The following INPP4B variants were observed in gnomAD, a reference collection of about 807,000 sequenced individuals.
INPP4B encodes inositol polyphosphate 4-phosphatase type II.
INPP4B carries 55 observed loss-of-function variants against 122.5 expected under a neutral mutation model. The ratio of observed to expected loss-of-function variants is 0.45; its 90% CI spans 0.36 to 0.56. The LOEUF (loss-of-function observed/expected upper bound fraction) is 0.56. Among genes scored for constraint, INPP4B ranks in the 20% least tolerant of loss-of-function variants. The probability of loss-of-function intolerance (pLI) is 0.00; values close to 1 mark genes in which losing one functional copy is unlikely to be tolerated. For synonymous variants in INPP4B, 403 were observed against 388.7 expected, an observed-to-expected ratio of 1.04 and a Z score of -0.43; for missense variants, 1,000 against 1,097.7, an observed-to-expected ratio of 0.91 and a Z score of 1.26.
At chr4:142,457,803 C>G (rs1016783068) in intron 3 of INPP4B, among the ~76,000 whole-genome samples, 1 of 152,004 alleles carries the variant, frequency 6.6e-6, no homozygotes, top group Non-Finnish European at 1.5e-5. Flanking sequence ...ACTCTGTTGC[C>G]CAGGCTGGTC....
At chr4:142,756,613 A>T (rs922478130) in intron 1 of INPP4B, among the ~76,000 whole-genome samples, 14 of 151,814 alleles carry the variant, frequency 9.2e-5, no homozygotes, top group Admixed American at 2.0e-4. Context: ...AGGAAAGGTG[A>T]TTCAAAGTAT....
chr4:142,065,929 A>G (rs1441965756), intron 25 of INPP4B, among the ~76,000 whole-genome samples: 2 of 152,202 alleles, frequency 1.3e-5, no homozygotes, highest in African/African-American at 4.8e-5. Flanking sequence ...ACTGCCCTCC[A>G]GGAACCTTCA....
intron 25 of INPP4B, among the ~76,000 whole-genome samples, chr4:142,039,385 C>A (rs1028351776): frequency 6.6e-6 from 1 of 151,678 alleles, no homozygotes; most frequent in South Asian, 2.1e-4. Flanking sequence ...CTTTTTATAC[C>A]TTTTGTTCCA....
chr4:142,611,090 G>A (rs916151825), intron 2 of INPP4B, among the ~76,000 whole-genome samples: 17 of 152,200 alleles, frequency 1.1e-4, no homozygotes, highest in Non-Finnish European at 2.4e-4. Context: ...GAGGCCTCAG[G>A]AAACTTTCAA....
At chr4:142,802,683 C>T (rs1580951632) in intron 1 of INPP4B, among the ~76,000 whole-genome samples, 1 of 151,954 alleles carries the variant, frequency 6.6e-6, no homozygotes, top group Admixed American at 6.6e-5. Flanking sequence ...ACCTTGAAAG[C>T]ACAGGCTAAG....
intron 1 of INPP4B, among the ~76,000 whole-genome samples, chr4:142,785,857 C>T (rs1476385390): frequency 6.6e-6 from 1 of 152,006 alleles, no homozygotes; most frequent in Non-Finnish European, 1.5e-5. Context: ...CTAAAATCTA[C>T]ACCTAGCCAT....
chr4:142,452,186 G>A (rs1295893557), intron 3 of INPP4B, among the ~76,000 whole-genome samples: 2 of 152,152 alleles, frequency 1.3e-5, no homozygotes, highest in Non-Finnish European at 2.9e-5. Context: ...AGTTTGCTCA[G>A]AATGATGGTT....
At chr4:142,506,369 C>T (rs1242524830) in intron 2 of INPP4B, among the ~76,000 whole-genome samples, 1 of 151,896 alleles carries the variant, frequency 6.6e-6, no homozygotes, top group Admixed American at 6.6e-5. Context: ...CACCTATCAC[C>T]AACTATATAA....
intron 1 of INPP4B, among the ~76,000 whole-genome samples, chr4:142,796,985 A>T (rs1254881044): frequency 6.6e-6 from 1 of 151,790 alleles, no homozygotes; most frequent in Admixed American, 6.6e-5. Flanking sequence ...ATATTCTCAA[A>T]CATAAACAGA....
intron 7 of INPP4B, among the ~76,000 whole-genome samples, chr4:142,401,317 G>T (rs1801513713): frequency 6.6e-6 from 1 of 152,070 alleles, no homozygotes; most frequent in African/African-American, 2.4e-5. Context: ...ATTTATCAAA[G>T]CTGGTCTAAA....
chr4:142,669,317 C>T (rs968121702), intron 2 of INPP4B, among the ~76,000 whole-genome samples: 1 of 151,918 alleles, frequency 6.6e-6, no homozygotes, highest in Admixed American at 6.6e-5. Context: ...AACATAATCC[C>T]AAAATTCATA....
chr4:142,216,872 T>C (rs1280631632), intron 12 of INPP4B, among the ~76,000 whole-genome samples: 2 of 152,208 alleles, frequency 1.3e-5, no homozygotes, highest in African/African-American at 4.8e-5. Flanking sequence ...GGGAGAAAAG[T>C]AACCAAATGT....
At chr4:142,532,518 G>A (rs1018893322) in intron 2 of INPP4B, among the ~76,000 whole-genome samples, 1 of 152,010 alleles carries the variant, frequency 6.6e-6, no homozygotes, top group African/African-American at 2.4e-5. Context: ...CACTCATCAA[G>A]ATAGCAACTT....
intron 3 of INPP4B, among the ~76,000 whole-genome samples, chr4:142,432,638 C>T (rs1392094782): frequency 2.0e-5 from 3 of 152,084 alleles, no homozygotes; most frequent in Admixed American, 6.6e-5. Context: ...TAAGAACACA[C>T]ACATTCATAG....
intron 3 of INPP4B, among the ~76,000 whole-genome samples, chr4:142,438,237 A>T (rs1020543414): frequency 8.5e-5 from 13 of 152,338 alleles, no homozygotes; most frequent in African/African-American, 2.6e-4. Flanking sequence ...AAGAGCCTGT[A>T]TAACAAATAT....
intron 2 of INPP4B, among the ~76,000 whole-genome samples, chr4:142,661,960 A>G (rs1369621566): frequency 6.6e-6 from 1 of 151,974 alleles, no homozygotes; most frequent in African/African-American, 2.4e-5. Flanking sequence ...TTGGCCGGGC[A>G]CGGTGGCTCA....
At chr4:142,814,483 A>C (rs1779885367) in intron 1 of INPP4B, among the ~76,000 whole-genome samples, 1 of 152,188 alleles carries the variant, frequency 6.6e-6, no homozygotes, top group Non-Finnish European at 1.5e-5. Flanking sequence ...TATCTAGTTC[A>C]GTTACCTACT....
chr4:142,685,753 C>T (rs1759254263), intron 2 of INPP4B, among the ~76,000 whole-genome samples: 1 of 151,970 alleles, frequency 6.6e-6, no homozygotes, highest in East Asian at 1.9e-4. Context: ...GAGTTAGACC[C>T]TATCTCAAAA....
intron 1 of INPP4B, among the ~76,000 whole-genome samples, chr4:142,729,912 A>G (rs1298033745): frequency 6.6e-6 from 1 of 152,200 alleles, no homozygotes. Flanking sequence ...TTGCTGTACC[A>G]TAAGCTGCTC....
Sources: gnomAD v4.1 joint callset for allele counts (sites outside exome capture counted in the v4.1 genomes callset) on GRCh38, gnomAD v4.1.1 for gene constraint, MANE v1.5 for transcripts, NCBI Gene and HGNC (gene_info 2026-07-23, HGNC 2026-07-21) for gene names.